Variants in PDCD2 observed in about 807,000 individuals in gnomAD.
PDCD2 encodes programmed cell death 2.
A neutral mutation model predicts 38.1 loss-of-function variants in PDCD2; 38 were observed. The observed-to-expected ratio is 1.00, with a 90% CI of 0.77 to 1.31. The LOEUF (loss-of-function observed/expected upper bound fraction) is 1.31, where lower values mean the gene tolerates loss of function less well. PDCD2 is among the 50% of genes most tolerant of loss of function. The pLI is 0.00. For missense variants in PDCD2, 473 were observed against 435.7 expected (o/e 1.09, Z -0.76); for synonymous variants, 205 against 168.9 (o/e 1.21, Z -1.66).
intron 5 of PDCD2, 62 bp downstream of exon 5, chr6:170,578,795 T>G: frequency 1.9e-6 from 2 of 1,068,680 alleles, no homozygotes; most frequent in Non-Finnish European, 1.5e-6. Flanking sequence ...TTGGTGAAGT[T>G]TTTAATGTTT....
intron 3 of PDCD2, chr6:170,582,300 A>C (rs1219742547): frequency 6.6e-7 from 1 of 1,523,476 alleles, no homozygotes; most frequent in African/African-American, 1.4e-5. Context: ...ACAGAGTAAG[A>C]CTCAAAACAT....
chr6:170,583,689 C>A lies in PDCD2; in HGVS notation c.342G>T (p.Glu114Asp). Residue 114 changes from glutamate (E) to aspartate (D), a missense_variant, in exon 2 of 6, where the codon GAG becomes GAT. By Grantham distance (45) the Glu-to-Asp change is conservative. Coordinates refer to ENST00000541970, the MANE Select transcript of PDCD2 (RefSeq NM_002598.4). The stretch of plus-strand genomic sequence containing the variant: ...ATTCTCCTGTTTCTGGGGGAGGATT[C>A]TCAGAAGGTGGCTCATATGAGTAAA... ...NDFYSYEPPSENPPPETGESV... is the reference protein window; with the variant it reads ...NDFYSYEPPSDNPPPETGESV... The A allele has an allele frequency of 6.2e-7, 1 of 1,613,850 alleles. No homozygotes were observed. Among genetic ancestry groups the A allele is most frequent in the Non-Finnish European group, 8.5e-7 (1 of 1,179,780 alleles).
rs372458890 is a variant in PDCD2, at chr6:170,577,566, G to A, written c.1028C>T (p.Thr343Ile). 1.2e-5 allele frequency: 19 copies of A among 1,613,532 alleles called. No homozygotes were observed. In the African/African-American group the frequency reaches 2.5e-4, roughly 22 times the overall value. The change falls in exon 6 of 6, where the codon ACA (threonine) becomes ATA (isoleucine). Residue 343 changes from threonine to isoleucine, a missense_variant. Transcript: ENST00000541970. ...CAAGGCTTTAAGATGCCTTTACGGT[G>A]TATCTGTTACATCCTGCTTCCACAC... ...EFVWKQDVTD[T>I]P
chr6:170,579,550 T>C (rs1779536888), intron 4 of PDCD2: 1 of 155,616 alleles, frequency 6.4e-6, no homozygotes, highest in South Asian at 2.0e-4. Flanking sequence ...TATGGGAGTT[T>C]AGTTTTCTTT....
At chr6:170,579,873 T>A (rs1779546034) in intron 4 of PDCD2, 129 bp downstream of exon 4, 1 of 615,690 alleles carries the variant, frequency 1.6e-6, no homozygotes, top group South Asian at 2.0e-5. Context: ...TCTAACAAGA[T>A]AACAAAAGCC....
Position 170,582,230 on chromosome 6 carries a change from C to CA in PDCD2, c.658+826dup, listed in dbSNP as rs1562368913. Reference sequence around the variant, plus strand: ...TTGGGCTCCTCCATAAGACTGTGAGCATCTGACCACTGGAGTGTTGCTTCC... The same window carrying CA: ...TTGGGCTCCTCCATAAGACTGTGAGCAATCTGACCACTGGAGTGTTGCTTCC... On this transcript the variant is annotated intron_variant, in intron 3 of 5. Coordinates refer to ENST00000541970, the MANE Select transcript of PDCD2 (RefSeq NM_002598.4). 7 of 1,436,464 alleles carry CA rather than the reference C, an allele frequency of 4.9e-6. No homozygotes were observed. In the East Asian group the frequency reaches 1.5e-4, roughly 31 times the overall value. The allele number at this position is 1,436,464 out of a possible 1,614,324, so 89.0% of individuals were successfully genotyped here.
intron 5 of PDCD2, among the ~76,000 whole-genome samples, chr6:170,578,005 T>A (rs930999627): frequency 6.6e-6 from 1 of 152,230 alleles, no homozygotes; most frequent in Non-Finnish European, 1.5e-5. Flanking sequence ...AGGCTTCTAT[T>A]TGGGCAACTT....
intron 5 of PDCD2, among the ~76,000 whole-genome samples, chr6:170,578,105 G>C (rs896699968): frequency 2.6e-5 from 4 of 152,322 alleles, no homozygotes; most frequent in Non-Finnish European, 5.9e-5. Context: ...TATCAATGTA[G>C]TTATAGAGAC....
At chr6:170,584,219 G>C in intron 1 of PDCD2, 80 bp downstream of exon 1, 1 of 1,283,112 alleles carries the variant, frequency 7.8e-7, no homozygotes, top group Non-Finnish European at 9.9e-7. Context: ...GCTTGCCGCC[G>C]TCCCCCTGGT....
chr6:170,578,524 G>T (rs755327497), intron 5 of PDCD2: 1 of 671,728 alleles, frequency 1.5e-6, no homozygotes, highest in Non-Finnish European at 2.7e-6. Flanking sequence ...AACAAGAAAG[G>T]AAGGTATACA....
rs753325570 is a variant in PDCD2 at position 170,583,075 on chromosome 6, C to T, written c.640G>A (p.Glu214Lys). Residue 214 changes from glutamate (E) to lysine (K), a missense_variant, in exon 3 of 6, where the codon GAG (glutamate) becomes AAG (lysine). Transcript: ENST00000541970. ...TGCTTACCCATGCTCCCTATAATCTCTGAGTAATCTTCCTTTTCCACAACC... is the reference window on the plus strand; with the variant it reads ...TGCTTACCCATGCTCCCTATAATCTTTGAGTAATCTTCCTTTTCCACAACC... The part of the protein sequence containing the change: ...PEVVEKEDYS[E>K]IIGSMGEALE... 1 of 1,612,588 alleles carries T rather than the reference C, an allele frequency of 6.2e-7. No individual in the cohort carries two copies. Among genetic ancestry groups the T allele is most frequent in the South Asian group, 1.1e-5 (1 of 90,988 alleles).
At position 170,582,551 on chromosome 6, in the gene PDCD2, C is replaced by T. The variant is rs1779643514; in HGVS notation, c.658+506G>A. On this transcript the variant is annotated intron_variant, in intron 3 of 5. Transcript: ENST00000541970. ...TTAATGAGCTCATGCACAAACAGCCCTTTATATAAGGTAAGTGCTGGATAA... is the reference window on the plus strand; with the variant it reads ...TTAATGAGCTCATGCACAAACAGCCTTTTATATAAGGTAAGTGCTGGATAA... 3.0e-6 allele frequency: 4 copies of T among 1,341,548 alleles called. No homozygotes were observed. In the South Asian group the frequency reaches 4.7e-5, roughly 16 times the overall value. The allele number at this position is 1,341,548 out of a possible 1,614,324, so 83.1% of individuals were successfully genotyped here.
In PDCD2 at chr6:170,578,943, G is replaced by A. The variant is rs1779520889; in HGVS notation, c.790C>T (p.Pro264Ser). The change falls in exon 5 of 6, where the codon CCC becomes TCC. Residue 264 changes from proline to serine, a missense_variant. Physicochemically the swap from Pro to Ser is moderately conservative, Grantham distance 74 (BLOSUM62 -1). Transcript: ENST00000541970. ...QILRYGRGIA[P>S]IWISGENIPQ... is the part of the protein sequence containing the mutation. Reference sequence around the variant, plus strand: ...ATATTTTCACCAGAAATCCAGATGGGGGCAATACCTCTGCCATATCTAAGA... The same window carrying A: ...ATATTTTCACCAGAAATCCAGATGGAGGCAATACCTCTGCCATATCTAAGA... 6 of 1,598,868 alleles carry A rather than the reference G, an allele frequency of 3.8e-6. No individual in the cohort carries two copies. Among genetic ancestry groups the A allele is most frequent in the Non-Finnish European group, 4.3e-6 (5 of 1,173,512 alleles).
chr6:170,580,188 T>G, intron 3 of PDCD2, 83 bp from the exon 4 acceptor site: 1 of 740,404 alleles, frequency 1.4e-6, no homozygotes, highest in South Asian at 1.6e-5. Context: ...GGACCCACTT[T>G]TAATCAGATA....
chr6:170,579,951 TA>T (rs1562367314), intron 4 of PDCD2, 50 bp downstream of exon 4: 2 of 939,244 alleles, frequency 2.1e-6, no homozygotes, highest in Non-Finnish European at 3.5e-6. Context: ...ATTATACTCA[TA>T]AAACATGGCC....
chr6:170,583,061 G>T lies in PDCD2; in HGVS notation c.654C>A (p.Ser218Arg), dbSNP rs192662962. 19 of 1,611,314 alleles carry T rather than the reference G, an allele frequency of 1.2e-5. No homozygotes were observed. In the East Asian group the frequency reaches 3.3e-4, roughly 28 times the overall value. The change falls in exon 3 of 6, where the codon AGC (serine) becomes AGA (arginine). Residue 218 changes from serine to arginine, a missense_variant. Ser to Arg is a moderately radical substitution (Grantham distance 110). Transcript: ENST00000541970. Reference sequence around the variant, plus strand: ...TGAAGTCCTGAAACTGCTTACCCATGCTCCCTATAATCTCTGAGTAATCTT... The same window carrying T: ...TGAAGTCCTGAAACTGCTTACCCATTCTCCCTATAATCTCTGAGTAATCTT... ...EKEDYSEIIG[S>R]MGEALEEELD... is the part of the protein sequence containing the mutation.
chr6:170,583,401 A>T, intron 2 of PDCD2, 104 bp downstream of exon 2: 1 of 1,360,054 alleles, frequency 7.4e-7, no homozygotes, highest in South Asian at 1.5e-5. Context: ...AAAAATTTTA[A>T]AGTACTATAC....
intron 3 of PDCD2, chr6:170,581,543 T>C (rs932682277): frequency 1.3e-5 from 2 of 153,002 alleles, no homozygotes; most frequent in African/African-American, 4.8e-5. Flanking sequence ...TCCCACATTA[T>C]ATGAACGTTT....
intron 5 of PDCD2, among the ~76,000 whole-genome samples, chr6:170,578,278 T>G (rs1388640490): frequency 6.6e-6 from 1 of 152,212 alleles, no homozygotes; most frequent in East Asian, 1.9e-4. Flanking sequence ...ATAATTCCTT[T>G]TTTACCCAAA....
Sources: gnomAD v4.1 joint callset for allele counts (sites outside exome capture counted in the v4.1 genomes callset) on GRCh38, gnomAD v4.1.1 for gene constraint, MANE v1.5 for transcripts, NCBI Gene and HGNC (gene_info 2026-07-23, HGNC 2026-07-21) for gene names.